GALNT2: variants seen among roughly 807,000 people sequenced by gnomAD.
GALNT2 encodes UDP-GalNAc:polypeptide N-acetylgalactosaminyltransferase 2.
A neutral mutation model predicts 81.4 loss-of-function variants in GALNT2; 31 were observed. That is an observed-to-expected ratio of 0.38 (90% confidence interval 0.29 to 0.51). The LOEUF (loss-of-function observed/expected upper bound fraction) is 0.51, where lower values mean the gene tolerates loss of function less well. GALNT2 is among the 20% of genes least tolerant of loss of function. The pLI, the probability that GALNT2 is intolerant of heterozygous loss-of-function variation, is 0.87. For synonymous variants in GALNT2, 303 were observed against 287.4 expected (o/e 1.05, Z -0.55); for missense variants, 629 against 765.7 (o/e 0.82, Z 2.11).
rs533508929 is a variant in GALNT2 at position 230,194,271 on chromosome 1, G to C, written c.221-8866G>C. ...TGGGCCTGAAGTCTGTGTAACCCAG[G>C]GAGCAGTGGCCGGGTAGTGGCTAGT... is the stretch of plus-strand genomic sequence containing the variant. On this transcript the variant is annotated intron_variant, in intron 2 of 15. Coordinates refer to ENST00000366672, the MANE Select transcript of GALNT2 (RefSeq NM_004481.5). Among the ~76,000 whole-genome samples the C allele has an allele frequency of 2.0e-5, 3 of 152,328 alleles. No homozygotes were observed. In the South Asian group the frequency reaches 6.2e-4, roughly 32 times the overall value.
At chr1:230,141,148 A>G (rs1022812303) in intron 1 of GALNT2, among the ~76,000 whole-genome samples, 1 of 152,166 alleles carries the variant, frequency 6.6e-6, no homozygotes, top group Non-Finnish European at 1.5e-5. Flanking sequence ...GATTAGTAGG[A>G]ACTGATTTAT....
intron 1 of GALNT2, among the ~76,000 whole-genome samples, chr1:230,142,305 T>C (rs1389756631): frequency 6.6e-6 from 1 of 152,152 alleles, no homozygotes; most frequent in Non-Finnish European, 1.5e-5. Context: ...CTTCCGCACT[T>C]GGGCCACACA....
intron 3 of GALNT2, 150 bp downstream of exon 3, chr1:230,203,440 A>G: frequency 1.1e-6 from 1 of 882,848 alleles, no homozygotes; most frequent in Non-Finnish European, 1.7e-6. Flanking sequence ...GTATATGGCA[A>G]TGGAACTTCA....
At chr1:230,122,388 A>C (rs113316213) in intron 1 of GALNT2, among the ~76,000 whole-genome samples, 11 of 152,170 alleles carry the variant, frequency 7.2e-5, no homozygotes, top group Non-Finnish European at 1.6e-4. Context: ...GAGGCCTCCA[A>C]ATCAGTGGCT....
At chr1:230,233,176 A>C (rs1664920031) in intron 3 of GALNT2, among the ~76,000 whole-genome samples, 1 of 152,172 alleles carries the variant, frequency 6.6e-6, no homozygotes, top group Non-Finnish European at 1.5e-5. Flanking sequence ...TTAACTCCTT[A>C]AATGTTTTTA....
chr1:230,248,028 T>C (rs1465124950), intron 8 of GALNT2, among the ~76,000 whole-genome samples: 2 of 152,250 alleles, frequency 1.3e-5, no homozygotes, highest in African/African-American at 4.8e-5. Context: ...GGGTCTCCTC[T>C]CTGTGCATTT....
chr1:230,279,995 A>G lies in GALNT2; in HGVS notation c.*537A>G. The G allele has an allele frequency of 2.2e-6, 1 of 455,358 alleles. No individual in the cohort carries two copies. Among genetic ancestry groups the G allele is most frequent in the Non-Finnish European group, 4.4e-6 (1 of 226,676 alleles). 28.2% of individuals were successfully genotyped at this position (455,358 alleles called of 1,614,324 possible). ...ATTCGCAAGTGTCTTCCTGGGCCAGACTCCCCTCCACCTCATGTACTTGCT... is the reference window on the plus strand; with the variant it reads ...ATTCGCAAGTGTCTTCCTGGGCCAGGCTCCCCTCCACCTCATGTACTTGCT... On this transcript the variant is annotated 3_prime_UTR_variant, in exon 16 of 16. Transcript: ENST00000366672. This position sits in a 1 kb window ranked among gnomAD's most constrained non-coding sequence, Gnocchi z 4.6.
chr1:230,214,529 G>C (rs1351665082), intron 3 of GALNT2, among the ~76,000 whole-genome samples: 1 of 152,196 alleles, frequency 6.6e-6, no homozygotes, highest in Non-Finnish European at 1.5e-5. Flanking sequence ...CTGGCGAAAT[G>C]TCTACCGTTA....
chr1:230,126,107 C>G (rs1661168504), intron 1 of GALNT2, among the ~76,000 whole-genome samples: 1 of 152,200 alleles, frequency 6.6e-6, no homozygotes, highest in Non-Finnish European at 1.5e-5. Flanking sequence ...AACCCTGAGC[C>G]ACACTTGAAG....
At chr1:230,104,060 A>G (rs962103413) in intron 1 of GALNT2, among the ~76,000 whole-genome samples, 1 of 152,188 alleles carries the variant, frequency 6.6e-6, no homozygotes, top group Non-Finnish European at 1.5e-5. Flanking sequence ...CGAGGCAGTC[A>G]TGTGCTTCTG....
intron 6 of GALNT2, among the ~76,000 whole-genome samples, chr1:230,240,603 A>G (rs920314207): frequency 6.6e-6 from 1 of 150,858 alleles, no homozygotes; most frequent in Non-Finnish European, 1.5e-5. Flanking sequence ...GAAAATTCAT[A>G]CTGTTGTTCC....
chr1:230,142,839 TA>T (rs148342463), intron 1 of GALNT2, among the ~76,000 whole-genome samples: 220 of 152,316 alleles, frequency 1.4e-3, no homozygotes, highest in African/African-American at 5.2e-3. Flanking sequence ...CACTTGCTTA[TA>T]AATTATCCTC....
At chr1:230,111,742 G>A (rs1660710449) in intron 1 of GALNT2, among the ~76,000 whole-genome samples, 1 of 152,136 alleles carries the variant, frequency 6.6e-6, no homozygotes, top group Admixed American at 6.5e-5. Context: ...GTTCACTCGG[G>A]AAATTTTTGC....
chr1:230,121,199 T>C (rs1351539638), intron 1 of GALNT2, among the ~76,000 whole-genome samples: 1 of 152,234 alleles, frequency 6.6e-6, no homozygotes, highest in African/African-American at 2.4e-5. Flanking sequence ...TCTTTCCTCT[T>C]TTCTGCAAGA....
intron 1 of GALNT2, among the ~76,000 whole-genome samples, chr1:230,151,119 C>T (rs774700795): frequency 6.6e-6 from 1 of 152,108 alleles, no homozygotes; most frequent in African/African-American, 2.4e-5. Context: ...TGTGTGGTGT[C>T]CTGGGTTTGA....
intron 2 of GALNT2, among the ~76,000 whole-genome samples, chr1:230,191,906 T>C (rs1663539373): frequency 6.6e-6 from 1 of 152,252 alleles, no homozygotes; most frequent in Non-Finnish European, 1.5e-5. Flanking sequence ...GGGCTCCCCA[T>C]GCTCAGCACC....
intron 1 of GALNT2, among the ~76,000 whole-genome samples, chr1:230,085,982 A>G (rs1283780124): frequency 6.6e-6 from 1 of 152,206 alleles, no homozygotes; most frequent in South Asian, 2.1e-4. Context: ...CCACAGCTCT[A>G]TCAGTGCCCC....
chr1:230,065,586 C>A (rs1288966851), upstream of GALNT2, among the ~76,000 whole-genome samples: 3 of 152,098 alleles, frequency 2.0e-5, no homozygotes, highest in Admixed American at 2.0e-4. Flanking sequence ...TTTCTGTTTT[C>A]TTTTTGCAGA....
intron 3 of GALNT2, among the ~76,000 whole-genome samples, chr1:230,205,825 G>T (rs1248371665): frequency 6.6e-6 from 1 of 151,750 alleles, no homozygotes; most frequent in African/African-American, 2.4e-5. Context: ...TGCTTCTCCG[G>T]CCCCCACCCA....
Sources: gnomAD v4.1 joint callset for allele counts (sites outside exome capture counted in the v4.1 genomes callset) on GRCh38, gnomAD v4.1.1 for gene constraint, Gnocchi (gnomAD v3.1) non-coding constraint, MANE v1.5 for transcripts, NCBI Gene and HGNC (gene_info 2026-07-23, HGNC 2026-07-21) for gene names.